The following POMGNT1 variants were observed in gnomAD, a reference collection of about 807,000 sequenced individuals.
The protein encoded by POMGNT1 is protein O-linked-mannose beta-1,2-N-acetylglucosaminyltransferase 1.
Under a neutral mutation model 95.6 loss-of-function variants are expected in POMGNT1, and 67 were observed. The observed-to-expected ratio is 0.70, with a 90% CI of 0.58 to 0.86. POMGNT1 has a LOEUF of 0.86. Among genes scored for constraint, POMGNT1 ranks in the 40% least tolerant of loss-of-function variants. The probability of loss-of-function intolerance (pLI) is 0.00; values close to 1 mark genes in which losing one functional copy is unlikely to be tolerated. For missense variants in POMGNT1, 719 were observed against 855.2 expected (o/e 0.84, Z 1.99); for synonymous variants, 298 against 317.9 (o/e 0.94, Z 0.66).
rs372768194 is a variant in POMGNT1, at chr1:46,190,398, T to C, written c.1649+75A>G. On this transcript the variant is annotated intron_variant, in intron 19 of 21. Transcript: ENST00000371984. ...CTGATTTTCATTTTGCACAGGACCC[T>C]GTAAATTATGGGGCCAAGATCCCCA... 56 of 1,508,804 alleles carry C rather than the reference T, an allele frequency of 3.7e-5. No individual in the cohort carries two copies. The African/African-American group carries it at 6.8e-4, about 18-fold the overall frequency. The allele number at this position is 1,508,804 out of a possible 1,614,324, so 93.5% of individuals were successfully genotyped here.
intron 1 of POMGNT1, among the ~76,000 whole-genome samples, chr1:46,213,208 C>T (rs1458873587): frequency 2.0e-5 from 3 of 151,194 alleles, no homozygotes; most frequent in Non-Finnish European, 2.9e-5. Flanking sequence ...TACGATGTTT[C>T]GATGAACAGC....
chr1:46,195,407 A>G (rs1425690086), intron 6 of POMGNT1: 10 of 371,318 alleles, frequency 2.7e-5, no homozygotes, highest in Non-Finnish European at 4.1e-5. Flanking sequence ...CTCACATATC[A>G]TCTCCTTGCA....
chr1:46,196,927 G>A lies in POMGNT1; in HGVS notation c.235+43C>T. The A allele has an allele frequency of 6.2e-7, 1 of 1,614,154 alleles. No homozygotes were observed. The highest frequency in any genetic ancestry group is 1.3e-5 in the African/African-American group (1 of 75,062). The stretch of plus-strand genomic sequence containing the variant: ...TTAGGGTCTGCCTGCCACTCCAGCT[G>A]TGAGATCCAAGGCCCCCTACCCCAT... On this transcript the variant is annotated intron_variant, in intron 3 of 21. Coordinates refer to ENST00000371984, the MANE Select transcript of POMGNT1 (RefSeq NM_017739.4). This position sits in a 1 kb window ranked among gnomAD's most constrained non-coding sequence, Gnocchi z 4.4.
chr1:46,199,891 C>T (rs977230821), upstream of POMGNT1, among the ~76,000 whole-genome samples: 33 of 152,072 alleles, frequency 2.2e-4, no homozygotes, highest in African/African-American at 6.8e-4. Context: ...AAAGATGTCC[C>T]GGCTGGGCAC....
intron 1 of POMGNT1, among the ~76,000 whole-genome samples, chr1:46,212,572 C>T (rs562071269): frequency 6.6e-6 from 1 of 150,590 alleles, no homozygotes; most frequent in South Asian, 2.1e-4. Flanking sequence ...TGAGCCACTG[C>T]ACCCGGCCAA....
At chr1:46,192,687 T>C in intron 14 of POMGNT1, 97 bp from the exon 15 acceptor site, 1 of 1,600,850 alleles carries the variant, frequency 6.2e-7, no homozygotes. Context: ...CAGGAGCACC[T>C]CCTTCCTGGA....
intron 1 of POMGNT1, among the ~76,000 whole-genome samples, chr1:46,209,490 TTC>T (rs1658824893): frequency 6.6e-6 from 1 of 152,164 alleles, no homozygotes; most frequent in South Asian, 2.1e-4. Flanking sequence ...TGCCACCTAA[TTC>T]TTTATCTAGC....
At position 46,196,019 on chromosome 1, in the gene POMGNT1, T is replaced by A; in HGVS notation, c.413A>T (p.Gln138Leu). 1 of 1,614,052 alleles carries A rather than the reference T, an allele frequency of 6.2e-7. No individual in the cohort carries two copies. The highest frequency in any genetic ancestry group is 1.1e-5 in the South Asian group (1 of 91,074). Residue 138 changes from glutamine to leucine, a missense_variant, in exon 5 of 22, where the codon CAG (glutamine) becomes CTG (leucine). Physicochemically the swap from Gln to Leu is moderately radical, Grantham distance 113 (BLOSUM62 -2). Transcript: ENST00000371984. The surrounding 1 kb of genome is among the most constrained non-coding windows in gnomAD (Gnocchi z 4.4). ...CCACCCCTAGAAACTCACCGTGGCC[T>A]GGTTGAGGACAATGACATGGATGCC... ...GRGIHVIVLNQATGHVMAKRV... is the reference protein window; with the variant it reads ...GRGIHVIVLNLATGHVMAKRV...
chr1:46,194,487 C>T (rs1447055232), intron 8 of POMGNT1, 66 bp downstream of exon 8: 2 of 1,614,028 alleles, frequency 1.2e-6, no homozygotes, highest in East Asian at 2.2e-5. Flanking sequence ...AATAAAGCTC[C>T]ACAGAGAGAT....
At chr1:46,191,989 C>T in intron 17 of POMGNT1, 109 bp downstream of exon 17, 2 of 1,460,406 alleles carry the variant, frequency 1.4e-6, no homozygotes, top group Middle Eastern at 1.7e-4. Flanking sequence ...TAGCTCTTTC[C>T]CCAAGGTTAC....
At position 46,188,714 on chromosome 1, in the gene POMGNT1, C is replaced by T. The variant is rs1353145198; in HGVS notation, c.*556G>A. On this transcript the variant is annotated 3_prime_UTR_variant, in exon 22 of 22. Transcript: ENST00000371984. The stretch of plus-strand genomic sequence containing the variant: ...GGGCTTCTCCTTTTTTAATCAATGA[C>T]CAACTTATCCAGCTTTGGAAATCTG... 6.3e-7 allele frequency: 1 copy of T among 1,599,508 alleles called. No individual in the cohort carries two copies. Among genetic ancestry groups the T allele is most frequent in the African/African-American group, 1.3e-5 (1 of 74,470 alleles).
At chr1:46,199,785 A>G (rs1424386474), upstream of POMGNT1, among the ~76,000 whole-genome samples, 2 of 152,218 alleles carry the variant, frequency 1.3e-5, no homozygotes, top group African/African-American at 4.8e-5. Flanking sequence ...ATGAAATGTT[A>G]ACAGTACTTG....
Position 46,207,547 on chromosome 1 carries a change from T to C in POMGNT1, c.-50-9676A>G, listed in dbSNP as rs567000251. On this transcript the variant is annotated intron_variant, in intron 1 of 22. Coordinates refer to the POMGNT1 transcript ENST00000371992. Reference sequence around the variant, plus strand: ...ACTTTTCTTTCTTTCTTTCTTTCTTTTTTTTTTTTGAGATGGAGTCTCGCT... The same window carrying C: ...ACTTTTCTTTCTTTCTTTCTTTCTTCTTTTTTTTTGAGATGGAGTCTCGCT... Among the ~76,000 whole-genome samples the C allele has an allele frequency of 8.6e-5, 13 of 151,798 alleles. No homozygotes were observed. In the South Asian group the frequency reaches 2.7e-3, roughly 32 times the overall value.
Position 46,217,508 on chromosome 1 carries a change from A to G in POMGNT1, c.-51+2197T>C, listed in dbSNP as rs371773052. ...CTGAGTAATTTTATTGCCTATTAGG[A>G]GGATGGAAGATGGGAAGGGTATCTG... On this transcript the variant is annotated intron_variant, in intron 1 of 22. Coordinates refer to the POMGNT1 transcript ENST00000371992. Among the ~76,000 whole-genome samples the G allele has an allele frequency of 4.5e-4, 69 of 152,282 alleles. 2 individuals are homozygous for G. The highest frequency in any genetic ancestry group is 3.3e-3 in the East Asian group (17 of 5,190).
At position 46,194,314 on chromosome 1, in the gene POMGNT1, C is replaced by A; in HGVS notation, c.839G>T (p.Ser280Ile). 1.2e-6 allele frequency: 2 copies of A among 1,614,224 alleles called. No homozygotes were observed. The highest frequency in any genetic ancestry group is 1.7e-6 in the Non-Finnish European group (2 of 1,180,040). ...CTCGATGGGTGTGGGGTCCTTGCAG[C>A]TGCATACACTTCCATAGCCCTCAAC... ...SKVEGYGSVC[S>I]CKDPTPIEFS... The change falls in exon 9 of 22, where the codon AGC becomes ATC. Residue 280 changes from serine to isoleucine, a missense_variant. Physicochemically the swap from Ser to Ile is moderately radical, Grantham distance 142. Transcript: ENST00000371984.
intron 1 of POMGNT1, among the ~76,000 whole-genome samples, chr1:46,204,924 T>G (rs941207181): frequency 6.6e-6 from 1 of 152,180 alleles, no homozygotes; most frequent in Non-Finnish European, 1.5e-5. Flanking sequence ...TCTCTTCATC[T>G]CCACAGTAAC....
intron 19 of POMGNT1, 26 bp downstream of exon 19, chr1:46,190,447 T>C (rs1657672116): frequency 6.4e-7 from 1 of 1,563,100 alleles, no homozygotes; most frequent in East Asian, 2.2e-5. Context: ...TGCTCCCTGC[T>C]ACACCCCAAT....
upstream of POMGNT1, among the ~76,000 whole-genome samples, chr1:46,199,341 G>C (rs550945480): frequency 5.3e-5 from 8 of 152,338 alleles, no homozygotes; most frequent in African/African-American, 1.9e-4. Flanking sequence ...TCCAGATTCT[G>C]CTCTTAACCA....
chr1:46,196,914 T>A lies in POMGNT1; in HGVS notation c.235+56A>T. On this transcript the variant is annotated intron_variant, in intron 3 of 21. Transcript: ENST00000371984. The surrounding 1 kb of genome is among the most constrained non-coding windows in gnomAD (Gnocchi z 4.4). ...AGAGTCTCACCGCTTAGGGTCTGCC[T>A]GCCACTCCAGCTGTGAGATCCAAGG... The A allele has an allele frequency of 6.2e-7, 1 of 1,614,196 alleles. No homozygotes were observed. The highest frequency in any genetic ancestry group is 8.5e-7 in the Non-Finnish European group (1 of 1,180,030).
Sources: allele counts gnomAD v4.1 joint callset (sites outside exome capture counted in the v4.1 genomes callset), GRCh38; gene constraint gnomAD v4.1.1; non-coding constraint Gnocchi (gnomAD v3.1); transcripts MANE v1.5; gene names NCBI Gene and HGNC (gene_info 2026-07-23, HGNC 2026-07-21).